Variants in KCNMA1 observed in about 807,000 individuals in gnomAD.
The protein encoded by KCNMA1 is Calcium-activated potassium channel subunit alpha-1.
Under a neutral mutation model 140.0 loss-of-function variants are expected in KCNMA1, and 29 were observed. The ratio of observed to expected loss-of-function variants is 0.21; its 90% CI spans 0.15 to 0.28. KCNMA1 has a LOEUF of 0.28. KCNMA1 is among the 10% of genes least tolerant of loss of function. The probability of loss-of-function intolerance (pLI) is 1.00; values close to 1 mark genes in which losing one functional copy is unlikely to be tolerated. For missense variants in KCNMA1, 880 were observed against 1,602.2 expected, an observed-to-expected ratio of 0.55 and a Z score of 7.70; for synonymous variants, 612 against 611.9, an observed-to-expected ratio of 1.00 and a Z score of 0.00.
intron 2 of KCNMA1, among the ~76,000 whole-genome samples, chr10:77,260,398 A>T (rs943634248): frequency 6.6e-6 from 1 of 152,162 alleles, no homozygotes; most frequent in South Asian, 2.1e-4. Flanking sequence ...GAAGGGCCAG[A>T]GTGTCCAGCA....
At chr10:76,981,963 G>A (rs1330907087) in intron 19 of KCNMA1, among the ~76,000 whole-genome samples, 2 of 152,280 alleles carry the variant, frequency 1.3e-5, no homozygotes, top group Non-Finnish European at 2.9e-5. Context: ...TTAGTGATCA[G>A]GAGCCCCGGG....
At chr10:77,122,710 GA>G (rs1192128029) in intron 5 of KCNMA1, among the ~76,000 whole-genome samples, 1 of 152,068 alleles carries the variant, frequency 6.6e-6, no homozygotes, top group East Asian at 1.9e-4. Flanking sequence ...TTTGAGATAT[GA>G]AAAAATGACT....
At chr10:77,444,483 A>C (rs189162760) in intron 1 of KCNMA1, among the ~76,000 whole-genome samples, 1 of 152,350 alleles carries the variant, frequency 6.6e-6, no homozygotes, top group South Asian at 2.1e-4. Context: ...AATGACTTTG[A>C]TTGAAATTAA....
intron 9 of KCNMA1, among the ~76,000 whole-genome samples, chr10:77,104,869 G>A (rs181828934): frequency 2.8e-4 from 43 of 152,302 alleles, no homozygotes; most frequent in Admixed American, 1.0e-3. Flanking sequence ...CCATGGGAGC[G>A]TCACCAGCCC....
chr10:77,248,212 G>A (rs1410153412), intron 3 of KCNMA1, among the ~76,000 whole-genome samples: 2 of 152,166 alleles, frequency 1.3e-5, no homozygotes, highest in African/African-American at 4.8e-5. Flanking sequence ...TGCACAACTG[G>A]AGCTGGCCTG....
chr10:76,995,576 C>T (rs1205338702), intron 19 of KCNMA1: 3 of 470,988 alleles, frequency 6.4e-6, no homozygotes, highest in South Asian at 3.1e-5. Context: ...TGGCATCTGT[C>T]GCCTGAGATA....
intron 23 of KCNMA1, among the ~76,000 whole-genome samples, chr10:76,923,355 G>T (rs965495881): frequency 1.3e-5 from 2 of 151,854 alleles, no homozygotes; most frequent in African/African-American, 4.8e-5. Flanking sequence ...CCTGAACCCG[G>T]GAGGCAGAGC....
chr10:77,502,274 A>G lies in KCNMA1; in HGVS notation c.379-98251T>C, dbSNP rs537687532. ...GCCTTTTCTTCATAGCATTTCCCTTACATGGAGAAATACACCTCTTGTCTT... is the reference window on the plus strand; with the variant it reads ...GCCTTTTCTTCATAGCATTTCCCTTGCATGGAGAAATACACCTCTTGTCTT... On this transcript the variant is annotated intron_variant, in intron 1 of 27. Coordinates refer to ENST00000286628, the MANE Select transcript of KCNMA1 (RefSeq NM_001161352.2). Among the ~76,000 whole-genome samples, 7 of 152,306 alleles carry G rather than the reference A, an allele frequency of 4.6e-5. No homozygotes were observed. In the South Asian group the frequency reaches 1.2e-3, roughly 27 times the overall value.
At chr10:77,106,227 T>C (rs2153837066) in intron 9 of KCNMA1, among the ~76,000 whole-genome samples, 1 of 150,694 alleles carries the variant, frequency 6.6e-6, no homozygotes, top group Non-Finnish European at 1.5e-5. Context: ...AAAAAGAACA[T>C]TAAAAGCAAA....
At chr10:77,600,963 C>T (rs746854141) in intron 1 of KCNMA1, among the ~76,000 whole-genome samples, 1 of 152,124 alleles carries the variant, frequency 6.6e-6, no homozygotes, top group Non-Finnish European at 1.5e-5. Context: ...CAGTGACAGC[C>T]ACATAATGGG....
At chr10:76,976,920 T>G (rs1030086303) in intron 19 of KCNMA1, among the ~76,000 whole-genome samples, 3 of 152,076 alleles carry the variant, frequency 2.0e-5, no homozygotes, top group Non-Finnish European at 2.9e-5. Flanking sequence ...AAAGAAAAAT[T>G]CGAGAACTTC....
At chr10:77,091,563 A>T (rs1436725544) in intron 9 of KCNMA1, 2 of 152,176 alleles carry the variant, frequency 1.3e-5, no homozygotes, top group Non-Finnish European at 2.9e-5. Flanking sequence ...TAGTGAAGAG[A>T]CTGTATGTAG....
intron 1 of KCNMA1, among the ~76,000 whole-genome samples, chr10:77,454,536 G>C (rs1439433728): frequency 1.3e-5 from 2 of 152,122 alleles, no homozygotes; most frequent in Non-Finnish European, 2.9e-5. Flanking sequence ...GTTTTCACCA[G>C]TTTTGTGTTT....
chr10:76,920,179 C>G (rs2055114166), intron 23 of KCNMA1, among the ~76,000 whole-genome samples: 1 of 150,820 alleles, frequency 6.6e-6, no homozygotes, highest in Non-Finnish European at 1.5e-5. Flanking sequence ...ATGAGAAAGG[C>G]TCAATGGCAT....
At chr10:76,897,043 C>G (rs1178474785) in intron 25 of KCNMA1, among the ~76,000 whole-genome samples, 1 of 150,456 alleles carries the variant, frequency 6.6e-6, no homozygotes, top group Non-Finnish European at 1.5e-5. Flanking sequence ...CACACACACA[C>G]ACACAATTAG....
chr10:77,567,911 G>A (rs2068968390), intron 1 of KCNMA1, among the ~76,000 whole-genome samples: 1 of 152,172 alleles, frequency 6.6e-6, no homozygotes, highest in Non-Finnish European at 1.5e-5. Context: ...GGCCAACATG[G>A]TGAAACCCTG....
chr10:76,969,300 G>GGGAA (rs150214377), intron 20 of KCNMA1, among the ~76,000 whole-genome samples: 1,914 of 109,332 alleles, frequency 0.018, 51 homozygotes, highest in African/African-American at 0.048. Context: ...GAAGGAAGGA[G>GGGAA]GGAAGGAAGG....
chr10:77,531,079 T>C (rs11818892), intron 1 of KCNMA1, among the ~76,000 whole-genome samples: 25,007 of 152,006 alleles, frequency 0.16, 2,423 homozygotes, highest in Middle Eastern at 0.26. Flanking sequence ...CCTACCATTT[T>C]AGAAAAACCG....
chr10:77,113,702 G>A (rs1478926741), intron 6 of KCNMA1, among the ~76,000 whole-genome samples: 1 of 152,164 alleles, frequency 6.6e-6, no homozygotes, highest in Non-Finnish European at 1.5e-5. Flanking sequence ...GACCTCAGGT[G>A]ATCTGCCCGC....
Sources: gnomAD v4.1 joint callset for allele counts (sites outside exome capture counted in the v4.1 genomes callset) on GRCh38, gnomAD v4.1.1 for gene constraint, MANE v1.5 for transcripts, NCBI Gene and HGNC (gene_info 2026-07-23, HGNC 2026-07-21) for gene names.